The following KALRN variants were observed in gnomAD, a reference collection of about 807,000 sequenced individuals.
KALRN encodes kalirin.
Under a neutral mutation model 353.7 loss-of-function variants are expected in KALRN, and 70 were observed. The ratio of observed to expected loss-of-function variants is 0.20; its 90% CI spans 0.16 to 0.24. KALRN has a LOEUF of 0.24. Ranked by LOEUF, KALRN falls within the 10% of genes least tolerant of loss-of-function variation. The probability of loss-of-function intolerance (pLI) is 1.00; values close to 1 mark genes in which losing one functional copy is unlikely to be tolerated. For synonymous variants in KALRN, 1,391 were observed against 1,434.8 expected (o/e 0.97, Z 0.69); for missense variants, 2,791 against 3,756.7 (o/e 0.74, Z 6.72).
chr3:124,477,419 A>C, intron 27 of KALRN, 85 bp downstream of exon 27: 1 of 1,057,862 alleles, frequency 9.5e-7, no homozygotes, highest in Non-Finnish European at 1.4e-6. Flanking sequence ...ATATTTAGCT[A>C]TCCTTTTTTC....
intron 1 of KALRN, chr3:124,164,137 T>C (rs2070442172): frequency 4.3e-6 from 1 of 234,544 alleles, no homozygotes; most frequent in South Asian, 1.6e-4. Context: ...AGGCGGCATA[T>C]AAAATCTCTG....
At chr3:124,052,214 G>A (rs1159282573) in intron 1 of KALRN, among the ~76,000 whole-genome samples, 2 of 152,208 alleles carry the variant, frequency 1.3e-5, no homozygotes, top group East Asian at 1.9e-4. Context: ...GTGAACAGGG[G>A]CACTAGCCCC....
Position 124,632,452 on chromosome 3 carries a change from G to A in KALRN, c.5215G>A (p.Gly1739Ser). ...AYSHSSSENGGKSESVANLQA... is the reference protein window; with the variant it reads ...AYSHSSSENGSKSESVANLQA... The stretch of plus-strand genomic sequence containing the variant: ...CTCTCATTCCTCAAGCGAGAATGGA[G>A]GCAAGTCCGAGTCCGTGGCCAACCT... The change falls in exon 35 of 60, where the codon GGC (glycine) becomes AGC (serine). Residue 1739 changes from glycine to serine, a missense_variant. Coordinates refer to ENST00000682506, the MANE Select transcript of KALRN (RefSeq NM_001388419.1). 1 of 1,613,910 alleles carries A rather than the reference G, an allele frequency of 6.2e-7. No individual in the cohort carries two copies. The highest frequency in any genetic ancestry group is 8.5e-7 in the Non-Finnish European group (1 of 1,179,898).
At chr3:124,346,989 T>C (rs1002213486) in intron 9 of KALRN, among the ~76,000 whole-genome samples, 154 bp from the exon 10 acceptor site, 1 of 152,200 alleles carries the variant, frequency 6.6e-6, no homozygotes, top group African/African-American at 2.4e-5. Flanking sequence ...TGAAATCCCA[T>C]GGACTCACAG....
Position 124,723,145 on chromosome 3 carries a change from CT to C in KALRN, c.*3678del, listed in dbSNP as rs1274632883. ...GCAGAGGAGAAAGCTAGCTTCACTG[CT>C]TTGTGGTCCACAAAGCCTTTATAAA... On this transcript the variant is annotated 3_prime_UTR_variant, in exon 60 of 60. Coordinates refer to ENST00000682506, the MANE Select transcript of KALRN (RefSeq NM_001388419.1). 1.3e-5 allele frequency: 2 copies of C among 152,176 alleles called. No individual in the cohort carries two copies. Among genetic ancestry groups the C allele is most frequent in the Non-Finnish European group, 2.9e-5 (2 of 68,034 alleles). The allele number at this position is 152,176 out of a possible 1,614,324, so 9.4% of individuals were successfully genotyped here. A position where few individuals can be genotyped will look rare whatever the true frequency, so the allele number is the denominator to read the frequency against.
At chr3:124,349,203 A>G (rs561014836) in intron 10 of KALRN, among the ~76,000 whole-genome samples, 3 of 152,222 alleles carry the variant, frequency 2.0e-5, no homozygotes, top group Non-Finnish European at 4.4e-5. Context: ...AAGACATTAT[A>G]CTAAGTGAAA....
intron 1 of KALRN, among the ~76,000 whole-genome samples, chr3:124,169,564 TG>T (rs2071421102): frequency 6.6e-6 from 1 of 152,000 alleles, no homozygotes; most frequent in Non-Finnish European, 1.5e-5. Flanking sequence ...GGGCAGTGTG[TG>T]TAGTTTAGGG....
chr3:124,364,974 C>G (rs1173886181), intron 10 of KALRN, among the ~76,000 whole-genome samples: 1 of 152,174 alleles, frequency 6.6e-6, no homozygotes, highest in Admixed American at 6.5e-5. Context: ...TAAGTTGGCT[C>G]AAAAAGTCAC....
At chr3:124,209,744 A>G (rs1323367836) in intron 1 of KALRN, among the ~76,000 whole-genome samples, 1 of 152,224 alleles carries the variant, frequency 6.6e-6, no homozygotes, top group Non-Finnish European at 1.5e-5. Context: ...CTCATGACCT[A>G]GCAAAATTCT....
chr3:124,538,667 A>G (rs967578239), intron 33 of KALRN, among the ~76,000 whole-genome samples: 2 of 152,150 alleles, frequency 1.3e-5, no homozygotes, highest in Non-Finnish European at 2.9e-5. Flanking sequence ...TAAGCAGAAT[A>G]CCTTTCAGAA....
At chr3:124,338,161 T>G (rs2081325048) in intron 9 of KALRN, among the ~76,000 whole-genome samples, 1 of 152,168 alleles carries the variant, frequency 6.6e-6, no homozygotes, top group African/African-American at 2.4e-5. Flanking sequence ...TCTTAGTTAT[T>G]TCTTGTCTTC....
intron 11 of KALRN, among the ~76,000 whole-genome samples, chr3:124,385,898 T>A (rs981148182): frequency 1.3e-5 from 2 of 150,446 alleles, no homozygotes; most frequent in Admixed American, 6.7e-5. Flanking sequence ...CATGCTTGTG[T>A]CCCCCCCCAG....
Position 124,474,659 on chromosome 3 carries a change from G to A in KALRN, c.4032-4G>A, listed in dbSNP as rs1183372317. On this transcript the variant is annotated splice_polypyrimidine_tract_variant and splice_region_variant and intron_variant, in intron 25 of 59. Coordinates refer to ENST00000682506, the MANE Select transcript of KALRN (RefSeq NM_001388419.1). Reference sequence around the variant, plus strand: ...TCTGATTCAGTCTTTTTCTCCTCTTGCAGCATCTTCCTCAAAGAGCTGGAG... The same window carrying A: ...TCTGATTCAGTCTTTTTCTCCTCTTACAGCATCTTCCTCAAAGAGCTGGAG... The A allele has an allele frequency of 6.2e-7, 1 of 1,613,646 alleles. No homozygotes were observed. The highest frequency in any genetic ancestry group is 1.1e-5 in the South Asian group (1 of 91,058).
In KALRN at chr3:124,174,719, C is replaced by G. The variant is rs557621263; in HGVS notation, c.74-53271C>G. 2.0e-5 allele frequency among the ~76,000 whole-genome samples: 3 copies of G among 152,336 alleles called. No individual in the cohort carries two copies. The East Asian group carries it at 5.8e-4, about 29-fold the overall frequency. On this transcript the variant is annotated intron_variant, in intron 1 of 59. Transcript: ENST00000682506. ...CTGAGCCTCTGCCAACTCCTCTCCC[C>G]CTACAGAGCAGGACTGTCCAGGCCC...
At chr3:124,505,313 G>T (rs1354040327) in intron 33 of KALRN, among the ~76,000 whole-genome samples, 8 of 152,082 alleles carry the variant, frequency 5.3e-5, no homozygotes, top group Admixed American at 4.6e-4. Context: ...CTTCTGGTAG[G>T]CATGAAAATA....
intron 5 of KALRN, among the ~76,000 whole-genome samples, chr3:124,277,996 A>ATGTGTGTGTGTGTGTGTGTG (rs3054178): frequency 1.3e-4 from 19 of 146,210 alleles, no homozygotes; most frequent in East Asian, 8.4e-4. Context: ...GAGATGAACT[A>ATGTGTGTGTGTGTGTGTGTG]TGTGTGTGTG....
intron 1 of KALRN, chr3:124,095,001 AG>A (rs1444258478): frequency 5.3e-6 from 6 of 1,141,658 alleles, no homozygotes; most frequent in East Asian, 2.4e-5. Context: ...CAGAGAGGGG[AG>A]GGGGGTCAAG....
intron 16 of KALRN, among the ~76,000 whole-genome samples, chr3:124,433,316 TGTG>T (rs1185774424): frequency 6.6e-6 from 1 of 150,852 alleles, no homozygotes; most frequent in Non-Finnish European, 1.5e-5. Context: ...TCTGGTCAGA[TGTG>T]GTGGTTCTTG....
intron 32 of KALRN, among the ~76,000 whole-genome samples, chr3:124,496,103 A>G (rs1233671743): frequency 2.7e-5 from 4 of 149,306 alleles, no homozygotes; most frequent in Non-Finnish European, 6.0e-5. Flanking sequence ...AGTTATCAAC[A>G]TAGTGATTAT....
Sources: gnomAD v4.1 joint callset for allele counts (sites outside exome capture counted in the v4.1 genomes callset) on GRCh38, gnomAD v4.1.1 for gene constraint, MANE v1.5 for transcripts, NCBI Gene and HGNC (gene_info 2026-07-23, HGNC 2026-07-21) for gene names.